Variants in HPD observed in about 807,000 individuals in gnomAD.
HPD encodes 4-hydroxyphenylpyruvate dioxygenase.
HPD carries 35 observed loss-of-function variants against 56.9 expected under a neutral mutation model. That is an observed-to-expected ratio of 0.62 (90% CI 0.47 to 0.82). The LOEUF (loss-of-function observed/expected upper bound fraction) is 0.82. Among genes scored for constraint, HPD ranks in the 40% least tolerant of loss-of-function variants. HPD has a pLI of 0.00. For synonymous variants in HPD, 186 were observed against 200.2 expected (o/e 0.93, Z 0.60); for missense variants, 442 against 506.8 (o/e 0.87, Z 1.23).
At chr12:121,850,207 G>A (rs1360457195) in intron 7 of HPD, among the ~76,000 whole-genome samples, 1 of 152,012 alleles carries the variant, frequency 6.6e-6, no homozygotes, top group African/African-American at 2.4e-5. Flanking sequence ...GGATCATGAG[G>A]TCAGGAGATC....
At chr12:121,842,085 G>C (rs539402876) in intron 12 of HPD, among the ~76,000 whole-genome samples, 1 of 152,138 alleles carries the variant, frequency 6.6e-6, no homozygotes, top group Non-Finnish European at 1.5e-5. Flanking sequence ...GAAGGGAACA[G>C]AGGGGGTTGG....
chr12:121,866,796 C>CG (rs1878340333), upstream of HPD, among the ~76,000 whole-genome samples: 1 of 151,886 alleles, frequency 6.6e-6, no homozygotes, highest in Admixed American at 6.6e-5. Flanking sequence ...AGTATTTCAG[C>CG]GTACAGTTCT....
chr12:121,843,659 T>G (rs758585958), intron 12 of HPD, 51 bp downstream of exon 12: 2 of 1,609,624 alleles, frequency 1.2e-6, no homozygotes, highest in Non-Finnish European at 1.7e-6. Flanking sequence ...AAAGATGCAA[T>G]GCAGAGCTCA....
chr12:121,874,760 ACTTT>A, the HPD span, among the ~76,000 whole-genome samples: 1 of 131,608 alleles, frequency 7.6e-6, no homozygotes, highest in African/African-American at 3.0e-5. Context: ...TTTCTTTGTC[ACTTT>A]CTTTTTTTTT....
At chr12:121,849,569 T>G in intron 8 of HPD, 118 bp downstream of exon 8, 2 of 744,070 alleles carry the variant, frequency 2.7e-6, no homozygotes, top group South Asian at 3.0e-5. Context: ...CTTCCAGGAA[T>G]TCCCTAGCCG....
the HPD span, among the ~76,000 whole-genome samples, chr12:121,869,976 C>A: frequency 6.6e-6 from 1 of 151,966 alleles, no homozygotes; most frequent in East Asian, 1.9e-4. Context: ...TGGGGTCTTC[C>A]TGTGTTGCCT....
At chr12:121,852,448 G>A (rs1877824006) in intron 7 of HPD, among the ~76,000 whole-genome samples, 1 of 151,960 alleles carries the variant, frequency 6.6e-6, no homozygotes. Flanking sequence ...GGGATTATAG[G>A]TGTGAGCCAC....
At chr12:121,888,120 A>G in the HPD span, among the ~76,000 whole-genome samples, 1 of 152,242 alleles carries the variant, frequency 6.6e-6, no homozygotes, top group Non-Finnish European at 1.5e-5. Context: ...CTGGCACATT[A>G]TAAGTATCAA....
the HPD span, among the ~76,000 whole-genome samples, chr12:121,885,920 C>G: frequency 6.6e-6 from 1 of 150,922 alleles, no homozygotes; most frequent in African/African-American, 2.4e-5. Flanking sequence ...GATCTCGCCA[C>G]TGCACTCCAG....
chr12:121,856,139 T>C (rs1286178024), intron 6 of HPD, 185 bp downstream of exon 6: 2 of 672,938 alleles, frequency 3.0e-6, no homozygotes, highest in East Asian at 2.7e-5. Context: ...CACACCAGCA[T>C]CTGGGCTTGT....
At chr12:121,844,348 G>A (rs1375356758) in intron 11 of HPD, among the ~76,000 whole-genome samples, 1 of 152,004 alleles carries the variant, frequency 6.6e-6, no homozygotes, top group Non-Finnish European at 1.5e-5. Flanking sequence ...CCCGGCCTGA[G>A]CACTTTCTAC....
chr12:121,853,621 CAAAA>C (rs35131803), intron 7 of HPD, among the ~76,000 whole-genome samples: 2 of 53,418 alleles, frequency 3.7e-5, no homozygotes. Flanking sequence ...GACTCCATCT[CAAAA>C]AAAAAAAAAA....
At chr12:121,878,848 T>C in the HPD span, among the ~76,000 whole-genome samples, 2 of 151,590 alleles carry the variant, frequency 1.3e-5, no homozygotes, top group East Asian at 3.9e-4. Context: ...TATTTTTTTT[T>C]CCTTTGGCAA....
chr12:121,859,157 C>T (rs962186825), upstream of HPD: 13 of 410,502 alleles, frequency 3.2e-5, no homozygotes, highest in African/African-American at 1.4e-4. Flanking sequence ...AAGCCAAGGC[C>T]GGCTGGAGTG....
At chr12:121,879,492 C>CTTCTCTTCTCTTCTCTTCTCT in the HPD span, among the ~76,000 whole-genome samples, 1 of 150,092 alleles carries the variant, frequency 6.7e-6, no homozygotes, top group Non-Finnish European at 1.5e-5. Flanking sequence ...GTTCTCTTCT[C>CTTCTCTTCTCTTCTCTTCTCT]TTCTCTTCTC....
At chr12:121,860,731 C>A (rs1407083068), upstream of HPD, among the ~76,000 whole-genome samples, 2 of 152,162 alleles carry the variant, frequency 1.3e-5, no homozygotes, top group Non-Finnish European at 2.9e-5. Context: ...CTTGAAAATA[C>A]CCTGGTGTGC....
the HPD span, among the ~76,000 whole-genome samples, chr12:121,885,581 G>A: frequency 6.6e-6 from 1 of 152,050 alleles, no homozygotes; most frequent in Non-Finnish European, 1.5e-5. Flanking sequence ...TTTTCTAAGG[G>A]CACTGTCTTA....
intron 2 of HPD, 127 bp from the exon 3 acceptor site, chr12:121,857,946 C>T: frequency 1.3e-6 from 1 of 744,232 alleles, no homozygotes. Context: ...AGCAGCGGAA[C>T]CCCATGCAGC....
chr12:121,856,674 G>A, intron 4 of HPD, 49 bp from the exon 5 acceptor site: 1 of 1,574,820 alleles, frequency 6.3e-7, no homozygotes, highest in African/African-American at 1.3e-5. Flanking sequence ...GGGGGGCATG[G>A]GGAGGTGCAC....
Sources: gnomAD v4.1 joint callset for allele counts (sites outside exome capture counted in the v4.1 genomes callset) on GRCh38, gnomAD v4.1.1 for gene constraint, MANE v1.5 for transcripts, NCBI Gene and HGNC (gene_info 2026-07-23, HGNC 2026-07-21) for gene names.